The following DENND2A variants were observed in gnomAD, a reference collection of about 807,000 sequenced individuals.
DENND2A encodes the protein DENN domain-containing protein 2A.
DENND2A carries 53 observed loss-of-function variants against 105.3 expected under a neutral mutation model. The ratio of observed to expected loss-of-function variants is 0.50; its 90% confidence interval spans 0.40 to 0.63. The LOEUF is 0.63. Among genes scored for constraint, DENND2A ranks in the 30% least tolerant of loss-of-function variants. DENND2A has a pLI of 0.00. For synonymous variants in DENND2A, 522 were observed against 508.4 expected (o/e 1.03, Z -0.36); for missense variants, 1,138 against 1,279.6 (o/e 0.89, Z 1.69).
chr7:140,604,160 G>C (rs1799613164), intron 2 of DENND2A, among the ~76,000 whole-genome samples: 1 of 152,196 alleles, frequency 6.6e-6, no homozygotes, highest in African/African-American at 2.4e-5. Flanking sequence ...TGGAAATTCT[G>C]AAACTCCAGT....
intron 12 of DENND2A, among the ~76,000 whole-genome samples, chr7:140,553,976 CCAGCACTTAGGGAGG>C (rs1311569500): frequency 1.3e-5 from 2 of 152,136 alleles, no homozygotes; most frequent in East Asian, 1.9e-4. Context: ...GCCTGTAATC[CCAGCACTTAGGGAGG>C]CCGAGGTGGG....
chr7:140,614,455 C>T (rs1585759341), intron 1 of DENND2A, among the ~76,000 whole-genome samples: 3 of 152,320 alleles, frequency 2.0e-5, no homozygotes, highest in Admixed American at 2.0e-4. Context: ...GGGGTATCCT[C>T]AACCTGGGCA....
chr7:140,527,503 CG>C lies in DENND2A; in HGVS notation c.2328-9del. On this transcript the variant is annotated splice_polypyrimidine_tract_variant and intron_variant, in intron 14 of 19. Coordinates refer to ENST00000496613, the MANE Select transcript of DENND2A (RefSeq NM_015689.5). This position sits in a 1 kb window ranked among gnomAD's most constrained non-coding sequence, Gnocchi z 4.9. ...CAGCACTTGGACAGGATGCTGCAGC[CG>C]GGGAGAGAACAGGGAGAGAGGCCGA... 2 of 1,589,776 alleles carry C rather than the reference CG, an allele frequency of 1.3e-6. No individual in the cohort carries two copies. Among genetic ancestry groups the C allele is most frequent in the Non-Finnish European group, 1.7e-6 (2 of 1,165,346 alleles).
At chr7:140,617,140 G>T (rs148844683) in intron 1 of DENND2A, among the ~76,000 whole-genome samples, 176 of 152,324 alleles carry the variant, frequency 1.2e-3, no homozygotes, top group African/African-American at 4.1e-3. Flanking sequence ...TTACAGGCGT[G>T]AACCACTGTG....
intron 1 of DENND2A, among the ~76,000 whole-genome samples, chr7:140,611,741 T>G (rs1024713143): frequency 5.9e-5 from 9 of 152,172 alleles, no homozygotes; most frequent in African/African-American, 2.2e-4. Flanking sequence ...TGATTCCATT[T>G]ATATAAAATG....
chr7:140,586,154 G>A (rs2130646464), intron 4 of DENND2A, among the ~76,000 whole-genome samples: 1 of 152,212 alleles, frequency 6.6e-6, no homozygotes, highest in African/African-American at 2.4e-5. Flanking sequence ...TGGATTCCAG[G>A]AAGCTGGTGG....
At chr7:140,587,586 G>C in intron 4 of DENND2A, 67 bp downstream of exon 4, 3 of 1,601,746 alleles carry the variant, frequency 1.9e-6, no homozygotes, top group Admixed American at 3.4e-5. Context: ...CCAGCAGCCA[G>C]CCCCATTCTC....
chr7:140,602,987 A>C (rs189623688), intron 2 of DENND2A, among the ~76,000 whole-genome samples: 1 of 152,152 alleles, frequency 6.6e-6, no homozygotes, highest in East Asian at 1.9e-4. Context: ...TGTAAAATGA[A>C]GATCATAATA....
chr7:140,535,612 G>A lies in DENND2A; in HGVS notation c.2328-8117C>T, dbSNP rs561989571. On this transcript the variant is annotated intron_variant, in intron 14 of 19. Transcript: ENST00000496613. ...TTTTTACTTTTTGAGATGGAGTTTC[G>A]CTCTTGTTGCCCAGGCTGGAGTGCA... Among the ~76,000 whole-genome samples, 13 of 149,040 alleles carry A rather than the reference G, an allele frequency of 8.7e-5. No homozygotes were observed. In the South Asian group the frequency reaches 1.3e-3, roughly 15 times the overall value.
intron 1 of DENND2A, among the ~76,000 whole-genome samples, chr7:140,633,107 C>T (rs1800791087): frequency 6.6e-6 from 1 of 151,578 alleles, no homozygotes; most frequent in Admixed American, 6.6e-5. Context: ...CGGCTCACTG[C>T]AAGCTCCGCC....
chr7:140,583,095 T>C (rs759953905), intron 5 of DENND2A, among the ~76,000 whole-genome samples: 1 of 151,120 alleles, frequency 6.6e-6, no homozygotes, highest in Non-Finnish European at 1.5e-5. Context: ...ATCGAGACCA[T>C]CCTGGCTAAC....
chr7:140,625,879 C>T (rs890800498), intron 1 of DENND2A, among the ~76,000 whole-genome samples: 40 of 152,110 alleles, frequency 2.6e-4, no homozygotes, highest in Non-Finnish European at 1.3e-4. Flanking sequence ...TTGAAGGTTT[C>T]ACATATTTAT....
chr7:140,564,024 T>C (rs1797737043), intron 9 of DENND2A, among the ~76,000 whole-genome samples: 1 of 152,096 alleles, frequency 6.6e-6, no homozygotes, highest in African/African-American at 2.4e-5. Flanking sequence ...GGCTCATGCC[T>C]GTAATCACAG....
At chr7:140,635,873 C>T (rs947255791) in intron 1 of DENND2A, among the ~76,000 whole-genome samples, 25 of 152,216 alleles carry the variant, frequency 1.6e-4, no homozygotes, top group African/African-American at 5.8e-4. Context: ...CTGTTGCCCA[C>T]GTCAGACATT....
chr7:140,638,611 T>A (rs1019933802), intron 1 of DENND2A, among the ~76,000 whole-genome samples: 2 of 152,198 alleles, frequency 1.3e-5, no homozygotes, highest in African/African-American at 2.4e-5. Context: ...GCCTCTGCCC[T>A]GACAGCTCCC....
At chr7:140,628,532 C>CT (rs1229056209) in intron 1 of DENND2A, among the ~76,000 whole-genome samples, 1 of 136,960 alleles carries the variant, frequency 7.3e-6, no homozygotes, top group Non-Finnish European at 1.6e-5. Flanking sequence ...CCTAAAATTT[C>CT]TTTCTTTTTT....
At chr7:140,525,359 TAGTC>T in intron 16 of DENND2A, among the ~76,000 whole-genome samples, 1 of 152,100 alleles carries the variant, frequency 6.6e-6, no homozygotes, top group East Asian at 1.9e-4. Flanking sequence ...TTCACCATAT[TAGTC>T]AGGCTGGTCT....
chr7:140,559,252 G>A lies in DENND2A; in HGVS notation c.1889+456C>T, dbSNP rs1404338763. On this transcript the variant is annotated intron_variant, in intron 10 of 19. Coordinates refer to ENST00000496613, the MANE Select transcript of DENND2A (RefSeq NM_015689.5). The surrounding 1 kb of genome is among the most constrained non-coding windows in gnomAD (Gnocchi z 4.1). ...TGCTGAGCCACCCTCAAGGAACGCGGTACCCCTTAAAGACAGGACCCGCAG... is the reference window on the plus strand; with the variant it reads ...TGCTGAGCCACCCTCAAGGAACGCGATACCCCTTAAAGACAGGACCCGCAG... Among the ~76,000 whole-genome samples, 2 of 152,142 alleles carry A rather than the reference G, an allele frequency of 1.3e-5. No individual in the cohort carries two copies. The highest frequency in any genetic ancestry group is 2.9e-5 in the Non-Finnish European group (2 of 68,022).
At chr7:140,616,990 T>C (rs1414956598) in intron 1 of DENND2A, among the ~76,000 whole-genome samples, 1 of 152,218 alleles carries the variant, frequency 6.6e-6, no homozygotes, top group Admixed American at 6.5e-5. Context: ...CCTGAGTAGC[T>C]GGGACTCCTG....
Sources: gnomAD v4.1 joint callset for allele counts (sites outside exome capture counted in the v4.1 genomes callset) on GRCh38, gnomAD v4.1.1 for gene constraint, Gnocchi (gnomAD v3.1) non-coding constraint, MANE v1.5 for transcripts, NCBI Gene and HGNC (gene_info 2026-07-23, HGNC 2026-07-21) for gene names.